The following PTP4A3 variants were observed in gnomAD, a reference collection of about 807,000 sequenced individuals.
The protein encoded by PTP4A3 is protein tyrosine phosphatase 4A3.
Under a neutral mutation model 15.2 loss-of-function variants are expected in PTP4A3, and 9 were observed. The observed-to-expected ratio is 0.59, with a 90% CI of 0.36 to 1.03. PTP4A3 has a LOEUF of 1.03. Among genes scored for constraint, PTP4A3 ranks in the 50% least tolerant of loss-of-function variants. PTP4A3 has a pLI of 0.02. For synonymous variants in PTP4A3, 95 were observed against 102.0 expected (o/e 0.93, Z 0.41); for missense variants, 234 against 252.1 (o/e 0.93, Z 0.49).
rs914168720 is a variant in PTP4A3, at chr8:141,431,180, C to T, written c.*136C>T. ...TGGCCCCACATCGCCTTTTCCTCCCCGACACCTCCGTGCACTTGTGTCCGA... is the reference window on the plus strand; with the variant it reads ...TGGCCCCACATCGCCTTTTCCTCCCTGACACCTCCGTGCACTTGTGTCCGA... On this transcript the variant is annotated 3_prime_UTR_variant, in exon 6 of 6. Transcript: ENST00000521578. 27 of 788,540 alleles carry T rather than the reference C, an allele frequency of 3.4e-5. No individual in the cohort carries two copies. Among genetic ancestry groups the T allele is most frequent in the Admixed American group, 2.6e-4 (11 of 42,234 alleles). The allele number at this position is 788,540 out of a possible 1,614,324, so 48.8% of individuals were successfully genotyped here. A position where few individuals can be genotyped will look rare whatever the true frequency, so the allele number is the denominator to read the frequency against.
chr8:141,408,581 G>C (rs1832789671), intron 1 of PTP4A3, among the ~76,000 whole-genome samples: 2 of 150,708 alleles, frequency 1.3e-5, no homozygotes, highest in South Asian at 4.2e-4. Context: ...TCGTGCCACT[G>C]CACTCCAGCC....
chr8:141,404,433 C>T (rs1214027161), intron 1 of PTP4A3, among the ~76,000 whole-genome samples: 1 of 152,228 alleles, frequency 6.6e-6, no homozygotes, highest in Non-Finnish European at 1.5e-5. Context: ...GGCCTCTCTC[C>T]CCCTGTCCTG....
In PTP4A3 at chr8:141,426,972, G is replaced by A. The variant is rs144644413; in HGVS notation, c.232G>A (p.Gly78Ser). 37 of 1,609,984 alleles carry A rather than the reference G, an allele frequency of 2.3e-5. No individual in the cohort carries two copies. In the African/African-American group the frequency reaches 3.2e-4, roughly 14 times the overall value. ...WPFDDGAPPP[G>S]KVVEDWLSLV... is the part of the protein sequence containing the mutation. ...GTTTGACGATGGGGCGCCCCCGCCC[G>A]GCAAGGTAGTGGAAGACTGGCTGAG... The change falls in exon 4 of 6, where the codon GGC (glycine) becomes AGC (serine). Residue 78 changes from glycine to serine, a missense_variant. Transcript: ENST00000521578.
chr8:141,424,815 G>T (rs1374838510), intron 2 of PTP4A3, among the ~76,000 whole-genome samples: 2 of 152,126 alleles, frequency 1.3e-5, no homozygotes, highest in Non-Finnish European at 2.9e-5. Flanking sequence ...CTGCATCAGG[G>T]TCTGCCTGGC....
Position 141,406,926 on chromosome 8 carries a change from G to A in PTP4A3, c.-853-14462G>A, listed in dbSNP as rs927340493. ...CTTTGAACTTCCAAAAATGCGCTCA[G>A]AAATCTTTCCTGTCCTCTAGGGCCC... On this transcript the variant is annotated intron_variant, in intron 1 of 5. Coordinates refer to ENST00000521578, the MANE Select transcript of PTP4A3 (RefSeq NM_032611.3). This position sits in a 1 kb window ranked among gnomAD's most constrained non-coding sequence, Gnocchi z 4.5. 6.6e-6 allele frequency among the ~76,000 whole-genome samples: 1 copy of A among 152,216 alleles called. No individual in the cohort carries two copies. Among genetic ancestry groups the A allele is most frequent in the Non-Finnish European group, 1.5e-5 (1 of 68,028 alleles).
chr8:141,425,625 G>A lies in PTP4A3; in HGVS notation c.198+485G>A, dbSNP rs557955550. ...GGGCGGTTCTGCTGCGATATCCTTGGGGGGGTGGGCCACAGCAGCTGCAGG... is the reference window on the plus strand; with the variant it reads ...GGGCGGTTCTGCTGCGATATCCTTGAGGGGGTGGGCCACAGCAGCTGCAGG... On this transcript the variant is annotated intron_variant, in intron 3 of 5. Transcript: ENST00000521578. The surrounding 1 kb of genome is among the most constrained non-coding windows in gnomAD (Gnocchi z 4.2). Among the ~76,000 whole-genome samples, 43 of 151,742 alleles carry A rather than the reference G, an allele frequency of 2.8e-4. No homozygotes were observed. The highest frequency in any genetic ancestry group is 7.9e-4 in the Admixed American group (12 of 15,270).
intron 1 of PTP4A3, among the ~76,000 whole-genome samples, chr8:141,398,204 G>A (rs558518170): frequency 6.6e-6 from 1 of 152,326 alleles, no homozygotes; most frequent in Admixed American, 6.5e-5. Flanking sequence ...CAGGTCTCCT[G>A]CTAGGTGACC....
chr8:141,398,943 G>A (rs780629213), intron 1 of PTP4A3, among the ~76,000 whole-genome samples: 1 of 152,034 alleles, frequency 6.6e-6, no homozygotes, highest in Non-Finnish European at 1.5e-5. Context: ...TAGAGGAGGT[G>A]ACGGGTGGCC....
chr8:141,418,262 C>T (rs13259920), intron 1 of PTP4A3, among the ~76,000 whole-genome samples: 4,370 of 152,354 alleles, frequency 0.029, 77 homozygotes, highest in Non-Finnish European at 0.039. Flanking sequence ...GGCCTCCAGC[C>T]TCCTCCCCCA....
chr8:141,399,249 A>G (rs1438046743), intron 1 of PTP4A3, among the ~76,000 whole-genome samples: 2 of 151,946 alleles, frequency 1.3e-5, no homozygotes, highest in Non-Finnish European at 2.9e-5. Context: ...GATGCCTGGA[A>G]CGCTGGCCCC....
Position 141,406,378 on chromosome 8 carries a change from A to T in PTP4A3, c.-854+14294A>T, listed in dbSNP as rs1832723378. On this transcript the variant is annotated intron_variant, in intron 1 of 5. Coordinates refer to ENST00000521578, the MANE Select transcript of PTP4A3 (RefSeq NM_032611.3). The surrounding 1 kb of genome is among the most constrained non-coding windows in gnomAD (Gnocchi z 4.5). ...CTGAAGCACTTCTGAGAAGCCGGGG[A>T]GCAGTTCCCTGGGGTTTCCCCTGGG... Among the ~76,000 whole-genome samples, 1 of 151,862 alleles carries T rather than the reference A, an allele frequency of 6.6e-6. No individual in the cohort carries two copies. Among genetic ancestry groups the T allele is most frequent in the South Asian group, 2.1e-4 (1 of 4,818 alleles).
At chr8:141,398,108 G>A (rs972589341) in intron 1 of PTP4A3, among the ~76,000 whole-genome samples, 1 of 152,200 alleles carries the variant, frequency 6.6e-6, no homozygotes, top group African/African-American at 2.4e-5. Context: ...CAAGAAGAGG[G>A]CCCCTGTGCC....
rs1190800128 is a variant in PTP4A3 at position 141,406,473 on chromosome 8, C to T, written c.-854+14389C>T. On this transcript the variant is annotated intron_variant, in intron 1 of 5. Coordinates refer to ENST00000521578, the MANE Select transcript of PTP4A3 (RefSeq NM_032611.3). This position sits in a 1 kb window ranked among gnomAD's most constrained non-coding sequence, Gnocchi z 4.5. ...TCCGGAGAGCAGTTCCCTGGGGTGT[C>T]CCCCTGGGAAGTCCTGCCCTCCTGC... Among the ~76,000 whole-genome samples the T allele has an allele frequency of 6.6e-6, 1 of 152,052 alleles. No individual in the cohort carries two copies. Among genetic ancestry groups the T allele is most frequent in the Admixed American group, 6.5e-5 (1 of 15,278 alleles).
At chr8:141,410,133 C>A (rs1040024303) in intron 1 of PTP4A3, among the ~76,000 whole-genome samples, 6 of 152,254 alleles carry the variant, frequency 3.9e-5, no homozygotes, top group African/African-American at 1.4e-4. Flanking sequence ...CCCCCTCATG[C>A]CATGGCCTGG....
intron 5 of PTP4A3, among the ~76,000 whole-genome samples, chr8:141,428,911 T>C (rs1833712373): frequency 6.6e-6 from 1 of 152,172 alleles, no homozygotes. Flanking sequence ...TGTGCACTCA[T>C]ACATGACATG....
chr8:141,397,142 G>A (rs560778862), intron 1 of PTP4A3, among the ~76,000 whole-genome samples: 2 of 152,322 alleles, frequency 1.3e-5, no homozygotes, highest in Non-Finnish European at 1.5e-5. Context: ...TCCTGGAGCC[G>A]GAGTGAGAGC....
chr8:141,397,052 AC>A (rs1832469875), intron 1 of PTP4A3, among the ~76,000 whole-genome samples: 2 of 151,948 alleles, frequency 1.3e-5, no homozygotes, highest in South Asian at 4.2e-4. Flanking sequence ...AGGCTGGAAG[AC>A]CCCAGAGGGC....
At chr8:141,398,559 A>T (rs976395436) in intron 1 of PTP4A3, among the ~76,000 whole-genome samples, 2 of 152,062 alleles carry the variant, frequency 1.3e-5, no homozygotes, top group Non-Finnish European at 2.9e-5. Context: ...GGGTCCTGGA[A>T]ATAGGGCATC....
Position 141,425,196 on chromosome 8 carries a change from C to CCCGGGGGGGGGGGGGGGGGGG in PTP4A3, c.198+56_198+57insCCGGGGGGGGGGGGGGGGGGG. On this transcript the variant is annotated intron_variant, in intron 3 of 5. Coordinates refer to ENST00000521578, the MANE Select transcript of PTP4A3 (RefSeq NM_032611.3). This position sits in a 1 kb window ranked among gnomAD's most constrained non-coding sequence, Gnocchi z 4.2. The stretch of plus-strand genomic sequence containing the variant: ...CTGCTGCCACCGGGGGAGGGTGGGG[C>CCCGGGGGGGGGGGGGGGGGGG]GGGGGGCTCCGGGCCTGCGCAGAGG... The CCCGGGGGGGGGGGGGGGGGGG allele has an allele frequency of 2.8e-6, 1 of 361,482 alleles. No homozygotes were observed. Among genetic ancestry groups the CCCGGGGGGGGGGGGGGGGGGG allele is most frequent in the Non-Finnish European group, 5.4e-6 (1 of 185,986 alleles). The allele number at this position is 361,482 out of a possible 1,614,324, so 22.4% of individuals were successfully genotyped here.
Sources: allele counts gnomAD v4.1 joint callset (sites outside exome capture counted in the v4.1 genomes callset), GRCh38; gene constraint gnomAD v4.1.1; non-coding constraint Gnocchi (gnomAD v3.1); transcripts MANE v1.5; gene names NCBI Gene and HGNC (gene_info 2026-07-23, HGNC 2026-07-21).